Variants in NFIX observed in about 807,000 individuals in gnomAD.
The protein encoded by NFIX is nuclear factor I X, also known as nuclear factor 1 X-type.
In NFIX, 2 loss-of-function variants were observed where a neutral mutation model predicts 53.3. The observed-to-expected ratio is 0.04, with a 90% confidence interval of 0.02 to 0.12. NFIX has a LOEUF of 0.12. Among genes scored for constraint, NFIX ranks in the 10% least tolerant of loss-of-function variants. NFIX has a pLI of 1.00. For synonymous variants in NFIX, 244 were observed against 289.0 expected, an observed-to-expected ratio of 0.84 and a Z score of 1.58; for missense variants, 310 against 674.5, an observed-to-expected ratio of 0.46 and a Z score of 5.99.
intron 1 of NFIX, among the ~76,000 whole-genome samples, chr19:13,010,530 C>T (rs915023355): frequency 1.3e-5 from 2 of 152,272 alleles, no homozygotes; most frequent in African/African-American, 2.4e-5. Context: ...ATCCCAACGA[C>T]ACTGGCTGGC....
intron 8 of NFIX, among the ~76,000 whole-genome samples, chr19:13,085,344 G>T (rs541422453): frequency 3.9e-5 from 6 of 152,324 alleles, no homozygotes; most frequent in Admixed American, 1.3e-4. Context: ...TCCTCGGGGA[G>T]ACAGGCTCTG....
chr19:13,086,012 T>G (rs1364349920), intron 8 of NFIX, among the ~76,000 whole-genome samples: 3 of 152,192 alleles, frequency 2.0e-5, no homozygotes, highest in Non-Finnish European at 4.4e-5. Context: ...TAGGTTGTGA[T>G]TCAGGGGATC....
chr19:13,084,415 G>T (rs964906549), intron 8 of NFIX, among the ~76,000 whole-genome samples: 1 of 152,166 alleles, frequency 6.6e-6, no homozygotes, highest in Non-Finnish European at 1.5e-5. Flanking sequence ...CTGCACTCCA[G>T]TCTGGGCGAC....
At chr19:13,069,580 G>A (rs2016643866) in intron 2 of NFIX, among the ~76,000 whole-genome samples, 1 of 152,146 alleles carries the variant, frequency 6.6e-6, no homozygotes, top group Non-Finnish European at 1.5e-5. Flanking sequence ...AGCCACCCCG[G>A]GCTCAGGGGC....
At chr19:13,092,515 C>T (rs1165598634) in intron 10 of NFIX, among the ~76,000 whole-genome samples, 1 of 152,224 alleles carries the variant, frequency 6.6e-6, no homozygotes, top group Non-Finnish European at 1.5e-5. Flanking sequence ...CCAAAGGGGC[C>T]AGTGTGAGGC....
chr19:13,029,075 C>T (rs1391723479), intron 2 of NFIX, among the ~76,000 whole-genome samples: 1 of 152,190 alleles, frequency 6.6e-6, no homozygotes, highest in Non-Finnish European at 1.5e-5. Flanking sequence ...TTTTCTTTAT[C>T]TAAACTCTTT....
Position 13,013,249 on chromosome 19 carries a change from T to C in NFIX, c.28-11772T>C, listed in dbSNP as rs192825489. Among the ~76,000 whole-genome samples the C allele has an allele frequency of 3.4e-4, 51 of 152,142 alleles. No individual in the cohort carries two copies. Among genetic ancestry groups the C allele is most frequent in the African/African-American group, 1.1e-3 (46 of 41,486 alleles). Reference sequence around the variant, plus strand: ...AGGACGGAAAAGTGAAAAAAGAACGTGTGCGCCCAGCGGACCCGACTTAAC... The same window carrying C: ...AGGACGGAAAAGTGAAAAAAGAACGCGTGCGCCCAGCGGACCCGACTTAAC... On this transcript the variant is annotated intron_variant, in intron 1 of 10. Coordinates refer to ENST00000592199, the MANE Select transcript of NFIX (RefSeq NM_001365902.3). The surrounding 1 kb of genome is among the most constrained non-coding windows in gnomAD (Gnocchi z 5.9).
chr19:13,093,254 G>A lies in NFIX; in HGVS notation c.1495-1381G>A, dbSNP rs2018250251. On this transcript the variant is annotated intron_variant, in intron 10 of 10. Transcript: ENST00000592199. The surrounding 1 kb of genome is among the most constrained non-coding windows in gnomAD (Gnocchi z 4.7). ...CAGAAAGTGCTAGATGATCTCCAAG[G>A]CCCTTTCTGAAACTCAGTGTCCCTA... 6.6e-6 allele frequency among the ~76,000 whole-genome samples: 1 copy of A among 152,210 alleles called. No individual in the cohort carries two copies. Among genetic ancestry groups the A allele is most frequent in the African/African-American group, 2.4e-5 (1 of 41,444 alleles).
rs571706844 is a variant in NFIX, at chr19:13,090,637, G to A, written c.1494+247G>A. ...TGACAGCCCTGGCCCTGGGGAAGGC[G>A]GCCAAGGACCCAAGTCTAGAGGCCC... On this transcript the variant is annotated intron_variant, in intron 10 of 10. Transcript: ENST00000592199. This position sits in a 1 kb window ranked among gnomAD's most constrained non-coding sequence, Gnocchi z 6.6. Among the ~76,000 whole-genome samples, 2 of 152,324 alleles carry A rather than the reference G, an allele frequency of 1.3e-5. No homozygotes were observed. Among genetic ancestry groups the A allele is most frequent in the South Asian group, 2.1e-4 (1 of 4,824 alleles).
chr19:13,082,808 C>T (rs558809849), intron 8 of NFIX, among the ~76,000 whole-genome samples: 1 of 152,354 alleles, frequency 6.6e-6, no homozygotes, highest in Non-Finnish European at 1.5e-5. Context: ...GCTTGGAAGC[C>T]TGCTGCGAGA....
chr19:13,055,010 C>G (rs564183873), intron 2 of NFIX, among the ~76,000 whole-genome samples: 1 of 152,060 alleles, frequency 6.6e-6, no homozygotes, highest in Admixed American at 6.5e-5. Flanking sequence ...AACTTTCCGT[C>G]GGTTCTTTCT....
At chr19:13,024,021 G>A in intron 1 of NFIX, 1 of 1,519,006 alleles carries the variant, frequency 6.6e-7, no homozygotes, top group Admixed American at 2.0e-5. Context: ...TTTGCCGGGT[G>A]CTTCAGATCA....
intron 1 of NFIX, chr19:13,023,929 GCTCCTCCTCCTCCCCC>G: frequency 1.6e-6 from 1 of 642,334 alleles, no homozygotes; most frequent in Non-Finnish European, 2.7e-6. Flanking sequence ...TTCCTCCCCT[GCTCCTCCTCCTCCCCC>G]CTCCCCCCAC....
intron 2 of NFIX, among the ~76,000 whole-genome samples, chr19:13,071,934 C>T (rs2016799244): frequency 6.6e-6 from 1 of 152,340 alleles, no homozygotes; most frequent in African/African-American, 2.4e-5. Flanking sequence ...TTGTGAACCT[C>T]CTTTATGGTG....
intron 2 of NFIX, among the ~76,000 whole-genome samples, chr19:13,063,452 G>C (rs1376270450): frequency 6.6e-6 from 1 of 151,580 alleles, no homozygotes; most frequent in Non-Finnish European, 1.5e-5. Flanking sequence ...AGCCACTCTT[G>C]AGTATCTTTA....
chr19:13,057,340 C>T (rs2015765984), intron 2 of NFIX, among the ~76,000 whole-genome samples: 1 of 152,230 alleles, frequency 6.6e-6, no homozygotes, highest in Non-Finnish European at 1.5e-5. Context: ...ACCCCATTGT[C>T]ATCCCCCAAA....
chr19:13,047,079 A>T (rs2015038957), intron 2 of NFIX, among the ~76,000 whole-genome samples: 1 of 152,126 alleles, frequency 6.6e-6, no homozygotes, highest in Non-Finnish European at 1.5e-5. Context: ...CTCTGAGGGT[A>T]GGTTGTAATG....
chr19:13,076,365 C>T (rs1273184131), intron 6 of NFIX, among the ~76,000 whole-genome samples: 1 of 152,158 alleles, frequency 6.6e-6, no homozygotes, highest in Non-Finnish European at 1.5e-5. Context: ...GGATCTTCTT[C>T]TTGTTGAACC....
chr19:13,021,401 G>GTTCA lies in NFIX; in HGVS notation c.28-3619_28-3616dup, dbSNP rs997150456. 3.3e-5 allele frequency among the ~76,000 whole-genome samples: 5 copies of GTTCA among 152,080 alleles called. No homozygotes were observed. Among genetic ancestry groups the GTTCA allele is most frequent in the Admixed American group, 6.5e-5 (1 of 15,284 alleles). ...GGGCAGCCCCTCTCCCATTGTCAGG[G>GTTCA]TTCAGCGCCAGCCCAGGGCTGGATG... On this transcript the variant is annotated intron_variant, in intron 1 of 10. Coordinates refer to ENST00000592199, the MANE Select transcript of NFIX (RefSeq NM_001365902.3). This position sits in a 1 kb window ranked among gnomAD's most constrained non-coding sequence, Gnocchi z 4.2.
Sources: gnomAD v4.1 joint callset for allele counts (sites outside exome capture counted in the v4.1 genomes callset) on GRCh38, gnomAD v4.1.1 for gene constraint, Gnocchi (gnomAD v3.1) non-coding constraint, MANE v1.5 for transcripts, NCBI Gene and HGNC (gene_info 2026-07-23, HGNC 2026-07-21) for gene names.